The following GABRG3 variants were observed in gnomAD, a reference collection of about 807,000 sequenced individuals.
The protein encoded by GABRG3 is gamma-aminobutyric acid type A receptor subunit gamma3, also known as gamma-aminobutyric acid receptor subunit gamma-3.
GABRG3 carries 25 observed loss-of-function variants against 48.8 expected under a neutral mutation model. The observed-to-expected ratio is 0.51, with a 90% CI of 0.37 to 0.72. The LOEUF is 0.72. Ranked by LOEUF, GABRG3 falls within the 30% of genes least tolerant of loss-of-function variation. The pLI is 0.00. For missense variants in GABRG3, 394 were observed against 577.9 expected (o/e 0.68, Z 3.26); for synonymous variants, 227 against 217.6 (o/e 1.04, Z -0.38).
chr15:27,313,616 A>G (rs1893107311), intron 3 of GABRG3, among the ~76,000 whole-genome samples: 1 of 151,958 alleles, frequency 6.6e-6, no homozygotes, highest in African/African-American at 2.4e-5. Context: ...ATTAAGAAGA[A>G]TGAAATCACA....
At chr15:27,013,076 G>A (rs2140668531) in intron 2 of GABRG3, among the ~76,000 whole-genome samples, 1 of 152,170 alleles carries the variant, frequency 6.6e-6, no homozygotes, top group African/African-American at 2.4e-5. Context: ...TTTTGTAGTA[G>A]TTAGGCTTAT....
chr15:27,046,273 T>G (rs200562560), intron 3 of GABRG3, among the ~76,000 whole-genome samples: 25,750 of 151,406 alleles, frequency 0.17, 3,279 homozygotes, highest in African/African-American at 0.35. Flanking sequence ...TTTTTTTTTT[T>G]TTTGTATTTT....
chr15:27,063,125 C>T (rs1896679486), intron 3 of GABRG3, among the ~76,000 whole-genome samples: 1 of 152,172 alleles, frequency 6.6e-6, no homozygotes, highest in Non-Finnish European at 1.5e-5. Flanking sequence ...CTTGCCTAAG[C>T]CCGACTAAAC....
At chr15:26,998,226 T>C (rs1895376064) in intron 2 of GABRG3, among the ~76,000 whole-genome samples, 1 of 152,224 alleles carries the variant, frequency 6.6e-6, no homozygotes, top group African/African-American at 2.4e-5. Flanking sequence ...ATTGTAAATC[T>C]AAGAGCGGCT....
At chr15:27,187,738 T>C (rs571727242) in intron 3 of GABRG3, among the ~76,000 whole-genome samples, 2 of 152,254 alleles carry the variant, frequency 1.3e-5, no homozygotes, top group South Asian at 4.1e-4. Context: ...TTTATTTTAT[T>C]ATTATACTTT....
chr15:27,232,419 C>G (rs575890024), intron 3 of GABRG3, among the ~76,000 whole-genome samples: 129 of 152,298 alleles, frequency 8.5e-4, no homozygotes, highest in Non-Finnish European at 1.4e-3. Flanking sequence ...CTTACCCGGG[C>G]GTCCACCTGG....
intron 3 of GABRG3, among the ~76,000 whole-genome samples, chr15:27,134,908 AG>A (rs1196075195): frequency 5.3e-5 from 8 of 152,320 alleles, no homozygotes; most frequent in Admixed American, 2.0e-4. Context: ...CAAATCTTAC[AG>A]GGCTGGTCCT....
intron 5 of GABRG3, among the ~76,000 whole-genome samples, chr15:27,398,718 T>G: frequency 6.6e-6 from 1 of 151,702 alleles, no homozygotes; most frequent in Non-Finnish European, 1.5e-5. Context: ...TGAAAGACAT[T>G]GTATAATTAA....
chr15:27,006,460 C>T (rs1029636136), intron 2 of GABRG3, among the ~76,000 whole-genome samples: 1 of 152,166 alleles, frequency 6.6e-6, no homozygotes, highest in Non-Finnish European at 1.5e-5. Context: ...CTTGGCCTCC[C>T]AAAGTGCTGG....
chr15:26,978,559 C>T (rs1894993929), intron 2 of GABRG3, among the ~76,000 whole-genome samples: 1 of 152,156 alleles, frequency 6.6e-6, no homozygotes, highest in Admixed American at 6.5e-5. Context: ...TGCCCAATTA[C>T]TCCAGCACCA....
intron 3 of GABRG3, among the ~76,000 whole-genome samples, chr15:27,195,277 G>A (rs1253588171): frequency 6.6e-6 from 1 of 152,068 alleles, no homozygotes; most frequent in Non-Finnish European, 1.5e-5. Flanking sequence ...TGACTTTCTG[G>A]TTCTGGGCAT....
intron 3 of GABRG3, among the ~76,000 whole-genome samples, chr15:27,275,180 A>G (rs1368615519): frequency 6.6e-6 from 1 of 152,240 alleles, no homozygotes; most frequent in Non-Finnish European, 1.5e-5. Context: ...TCAGCCATGC[A>G]TGTGACAGTC....
At position 27,262,001 on chromosome 15, in the gene GABRG3, C is replaced by T. The variant is rs185190356; in HGVS notation, c.271-64808C>T. ...TGGTTTCTTTCTCCCTCTCTTCCAACGAATCCCCAAGGAAAGATTCCATCA... is the reference window on the plus strand; with the variant it reads ...TGGTTTCTTTCTCCCTCTCTTCCAATGAATCCCCAAGGAAAGATTCCATCA... On this transcript the variant is annotated intron_variant, in intron 3 of 9. Transcript: ENST00000615808. Among the ~76,000 whole-genome samples, 710 of 152,294 alleles carry T rather than the reference C, an allele frequency of 4.7e-3. 3 individuals carry two copies. Among genetic ancestry groups the T allele is most frequent in the Non-Finnish European group, 8.2e-3 (555 of 68,026 alleles).
chr15:27,336,170 CA>C (rs1893957013), intron 5 of GABRG3, among the ~76,000 whole-genome samples: 1 of 135,312 alleles, frequency 7.4e-6, no homozygotes, highest in African/African-American at 2.8e-5. Context: ...GCCTGGGAAA[CA>C]AGAGCAAGAG....
intron 2 of GABRG3, among the ~76,000 whole-genome samples, chr15:26,991,594 A>AT (rs1269117441): frequency 1.3e-5 from 2 of 151,842 alleles, no homozygotes; most frequent in African/African-American, 4.8e-5. Flanking sequence ...ATCCTCTTCA[A>AT]TTTTTTCATC....
intron 3 of GABRG3, among the ~76,000 whole-genome samples, chr15:27,029,179 AC>A (rs1471573499): frequency 6.6e-6 from 1 of 152,070 alleles, no homozygotes; most frequent in Non-Finnish European, 1.5e-5. Flanking sequence ...ATGGCTCTCT[AC>A]CCTACTGAAG....
chr15:27,000,390 C>T (rs868661353), intron 2 of GABRG3, among the ~76,000 whole-genome samples: 3 of 152,130 alleles, frequency 2.0e-5, no homozygotes, highest in African/African-American at 7.2e-5. Context: ...GCTAATTACT[C>T]CCCACTACTG....
At chr15:27,309,254 A>G (rs892442551) in intron 3 of GABRG3, among the ~76,000 whole-genome samples, 1 of 151,614 alleles carries the variant, frequency 6.6e-6, no homozygotes, top group Non-Finnish European at 1.5e-5. Context: ...ATAAACACAC[A>G]TATACACGTA....
intron 3 of GABRG3, among the ~76,000 whole-genome samples, chr15:27,246,481 A>G (rs1890274115): frequency 6.6e-6 from 1 of 152,194 alleles, no homozygotes; most frequent in South Asian, 2.1e-4. Flanking sequence ...TTCATTCTCT[A>G]AAGGTTACGT....
Sources: gnomAD v4.1 joint callset for allele counts (sites outside exome capture counted in the v4.1 genomes callset) on GRCh38, gnomAD v4.1.1 for gene constraint, MANE v1.5 for transcripts, NCBI Gene and HGNC (gene_info 2026-07-23, HGNC 2026-07-21) for gene names.